The following MAPK10 variants were observed in gnomAD, a reference collection of about 807,000 sequenced individuals.
The protein encoded by MAPK10 is mitogen-activated protein kinase 10.
A neutral mutation model predicts 59.3 loss-of-function variants in MAPK10; 25 were observed. That is an observed-to-expected ratio of 0.42 (90% CI 0.31 to 0.59). The LOEUF (loss-of-function observed/expected upper bound fraction) is 0.59, where lower values mean the gene tolerates loss of function less well. Ranked by LOEUF, MAPK10 falls within the 20% of genes least tolerant of loss-of-function variation. The pLI is 0.15. For synonymous variants in MAPK10, 190 were observed against 200.5 expected (o/e 0.95, Z 0.44); for missense variants, 351 against 568.9 (o/e 0.62, Z 3.90).
intron 1 of MAPK10, among the ~76,000 whole-genome samples, chr4:86,381,808 T>G (rs904832106): frequency 6.6e-6 from 1 of 152,086 alleles, no homozygotes; most frequent in African/African-American, 2.4e-5. Flanking sequence ...TATAGAGGAA[T>G]CACAGTGGAT....
intron 2 of MAPK10, among the ~76,000 whole-genome samples, chr4:86,304,500 C>G (rs1270376909): frequency 1.3e-5 from 2 of 148,566 alleles, no homozygotes; most frequent in Admixed American, 6.8e-5. Context: ...TCACGCCATT[C>G]TCCTGCCTCA....
chr4:86,319,610 C>CT (rs1186684344), intron 2 of MAPK10, among the ~76,000 whole-genome samples: 2 of 152,100 alleles, frequency 1.3e-5, no homozygotes, highest in African/African-American at 4.8e-5. Flanking sequence ...TCAGACATGA[C>CT]TTTTTTTGGC....
intron 2 of MAPK10, among the ~76,000 whole-genome samples, chr4:86,321,178 G>C (rs1280935727): frequency 6.6e-6 from 1 of 151,988 alleles, no homozygotes; most frequent in Non-Finnish European, 1.5e-5. Context: ...TCAGTGTGGC[G>C]ATTCCTCAAG....
chr4:86,546,018 A>C (rs1209180459), intron 1 of MAPK10, among the ~76,000 whole-genome samples: 2 of 151,950 alleles, frequency 1.3e-5, no homozygotes, highest in Non-Finnish European at 2.9e-5. Context: ...TGGGAGGCCG[A>C]GGCGGGCGGA....
intron 1 of MAPK10, among the ~76,000 whole-genome samples, chr4:86,443,890 C>T (rs1349295651): frequency 3.3e-5 from 5 of 151,876 alleles, no homozygotes; most frequent in East Asian, 1.9e-4. Context: ...AGAATAGATG[C>T]GTAATATAAG....
At chr4:86,319,699 C>T (rs2095853758) in intron 2 of MAPK10, among the ~76,000 whole-genome samples, 1 of 152,166 alleles carries the variant, frequency 6.6e-6, no homozygotes, top group Non-Finnish European at 1.5e-5. Context: ...ACCTGCTCAG[C>T]CCTTGAACAA....
chr4:86,581,904 TATATATATATATATATA>T (rs1762317128), intron 1 of MAPK10, among the ~76,000 whole-genome samples: 1 of 1,420 alleles, frequency 7.0e-4, no homozygotes, highest in Non-Finnish European at 1.4e-3. Flanking sequence ...ATATATTATA[TATATATATATATATATA>T]TATATATATA....
At chr4:86,234,364 T>G (rs1019620234) in intron 2 of MAPK10, among the ~76,000 whole-genome samples, 1 of 152,158 alleles carries the variant, frequency 6.6e-6, no homozygotes, top group African/African-American at 2.4e-5. Flanking sequence ...CAGAATAGAT[T>G]ATTTTCAAAA....
rs2055286369 is a variant in MAPK10, at chr4:86,101,076, G to A, written c.706C>T (p.Leu236=). 1.9e-6 allele frequency: 3 copies of A among 1,613,616 alleles called. No individual in the cohort carries two copies. The highest frequency in any genetic ancestry group is 1.3e-5 in the African/African-American group (1 of 74,870). The change falls in exon 8 of 14, where the codon CTG becomes TTG. Residue 236 remains leucine, a synonymous_variant. Transcript: ENST00000641462. ...CCGTTCTCCTTGTAGCCCATCCCCA[G>A]GATGACCTCAGGGGCTCTGTAATAA... ...TRYYRAPEVI[L]GMGYKENVDI...
At chr4:86,037,035 T>C (rs1317194075) in intron 11 of MAPK10, among the ~76,000 whole-genome samples, 1 of 152,196 alleles carries the variant, frequency 6.6e-6, no homozygotes, top group Non-Finnish European at 1.5e-5. Context: ...TTCCATTTTC[T>C]CTATTTTTAG....
chr4:86,047,495 G>A (rs1409953100), intron 11 of MAPK10, among the ~76,000 whole-genome samples: 5 of 152,160 alleles, frequency 3.3e-5, no homozygotes, highest in African/African-American at 1.2e-4. Context: ...AAAGTAGGCA[G>A]GAGCCAGACT....
At chr4:86,434,215 C>G (rs930690815) in intron 1 of MAPK10, among the ~76,000 whole-genome samples, 2 of 152,124 alleles carry the variant, frequency 1.3e-5, no homozygotes, top group African/African-American at 4.8e-5. Flanking sequence ...ACTAGACCCC[C>G]TATCATGCAC....
chr4:86,564,948 G>A (rs1163126923), intron 1 of MAPK10, among the ~76,000 whole-genome samples: 1 of 152,140 alleles, frequency 6.6e-6, no homozygotes, highest in Non-Finnish European at 1.5e-5. Flanking sequence ...TGTGCTTAAT[G>A]ATTTGGCATC....
chr4:86,251,273 C>T (rs2093408040), intron 2 of MAPK10, among the ~76,000 whole-genome samples: 1 of 151,854 alleles, frequency 6.6e-6, no homozygotes, highest in South Asian at 2.1e-4. Context: ...GCGCTGCACC[C>T]ACTAACTCGT....
At chr4:86,565,035 C>T (rs1289071188) in intron 1 of MAPK10, among the ~76,000 whole-genome samples, 1 of 152,160 alleles carries the variant, frequency 6.6e-6, no homozygotes, top group East Asian at 1.9e-4. Flanking sequence ...ACATATACCA[C>T]TCCTGTTGAG....
chr4:86,362,639 G>C (rs115267316), upstream of MAPK10, among the ~76,000 whole-genome samples: 2,458 of 152,190 alleles, frequency 0.016, 29 homozygotes, highest in Middle Eastern at 0.034. Context: ...AAAAGACTCT[G>C]ACAGGCATTT....
chr4:86,269,752 A>C (rs2094372456), intron 2 of MAPK10, among the ~76,000 whole-genome samples: 1 of 152,172 alleles, frequency 6.6e-6, no homozygotes, highest in Non-Finnish European at 1.5e-5. Context: ...ACAGATTATA[A>C]GAAAGCAATT....
intron 11 of MAPK10, among the ~76,000 whole-genome samples, chr4:86,034,128 T>C (rs1054575288): frequency 6.6e-6 from 1 of 152,204 alleles, no homozygotes; most frequent in African/African-American, 2.4e-5. Context: ...TAGGAGAGTT[T>C]AGCAGATAAG....
At chr4:86,095,643 A>G (rs573157856) in intron 9 of MAPK10, 10 of 151,958 alleles carry the variant, frequency 6.6e-5, no homozygotes, top group Admixed American at 4.6e-4. Flanking sequence ...AATAACTTGA[A>G]TCAGCCCTCA....
Sources: gnomAD v4.1 joint callset for allele counts (sites outside exome capture counted in the v4.1 genomes callset) on GRCh38, gnomAD v4.1.1 for gene constraint, MANE v1.5 for transcripts, NCBI Gene and HGNC (gene_info 2026-07-23, HGNC 2026-07-21) for gene names.